LARP4B: variants seen among roughly 807,000 people sequenced by gnomAD.
LARP4B encodes the protein La ribonucleoprotein 4B.
LARP4B carries 12 observed loss-of-function variants against 89.8 expected under a neutral mutation model. The observed-to-expected ratio is 0.13, with a 90% CI of 0.09 to 0.22. LARP4B has a LOEUF of 0.22. Among genes scored for constraint, LARP4B ranks in the 10% least tolerant of loss-of-function variants. The probability of loss-of-function intolerance (pLI) is 1.00; values close to 1 mark genes in which losing one functional copy is unlikely to be tolerated. For missense variants in LARP4B, 757 were observed against 947.7 expected (o/e 0.80, Z 2.64); for synonymous variants, 367 against 363.3 (o/e 1.01, Z -0.12).
chr10:847,542 G>T (rs1162937678), intron 5 of LARP4B, among the ~76,000 whole-genome samples: 1 of 150,080 alleles, frequency 6.7e-6, no homozygotes, highest in African/African-American at 2.5e-5. Flanking sequence ...TTTTTGAGAC[G>T]GAGCCTTGCT....
rs144565605 is a variant in LARP4B at position 813,136 on chromosome 10, T to A, written c.2007A>T (p.Gln669His). The change falls in exon 18 of 18, where the codon CAA (glutamine) becomes CAT (histidine). Residue 669 changes from glutamine to histidine, a missense_variant. Coordinates refer to ENST00000316157, the MANE Select transcript of LARP4B (RefSeq NM_015155.3). Reference protein sequence around the residue: ...KEPPSSPLQPQKEQKPNTVGC... With the variant: ...KEPPSSPLQPHKEQKPNTVGC... Reference sequence around the variant, plus strand: ...CAACAGTGTTTGGCTTTTGTTCTTTTTGGGGTTGCAATGGGGAAGAAGGAG... The same window carrying A: ...CAACAGTGTTTGGCTTTTGTTCTTTATGGGGTTGCAATGGGGAAGAAGGAG... 1 of 1,614,030 alleles carries A rather than the reference T, an allele frequency of 6.2e-7. No homozygotes were observed. The highest frequency in any genetic ancestry group is 1.3e-5 in the African/African-American group (1 of 74,930).
chr10:915,749 C>G (rs981566932), intron 1 of LARP4B, among the ~76,000 whole-genome samples: 2 of 148,468 alleles, frequency 1.3e-5, no homozygotes, highest in African/African-American at 5.0e-5. Flanking sequence ...AGGAGAATGG[C>G]GTGAACCCAG....
upstream of LARP4B, among the ~76,000 whole-genome samples, chr10:936,584 G>A (rs533320917): frequency 2.6e-5 from 4 of 152,230 alleles, no homozygotes; most frequent in South Asian, 4.1e-4. Context: ...TTAGCTGGGC[G>A]TGGTGGCGGT....
intron 3 of LARP4B, among the ~76,000 whole-genome samples, chr10:874,485 CGTT>C (rs1313707240): frequency 1.3e-5 from 2 of 152,322 alleles, no homozygotes; most frequent in Admixed American, 1.3e-4. Flanking sequence ...GAAAAACAGG[CGTT>C]GTCCACAACT....
chr10:916,374 A>G (rs1269664243), intron 1 of LARP4B, among the ~76,000 whole-genome samples: 1 of 152,182 alleles, frequency 6.6e-6, no homozygotes, highest in Non-Finnish European at 1.5e-5. Flanking sequence ...CTTCAAGGGA[A>G]TTCATGGAAA....
chr10:823,358 T>C (rs1047023450), intron 13 of LARP4B, among the ~76,000 whole-genome samples: 34 of 152,274 alleles, frequency 2.2e-4, no homozygotes, highest in African/African-American at 7.9e-4. Flanking sequence ...AAGATCTGCA[T>C]CTGTCAGGCA....
chr10:948,106 T>C, the LARP4B span, among the ~76,000 whole-genome samples: 1 of 151,778 alleles, frequency 6.6e-6, no homozygotes, highest in African/African-American at 2.4e-5. Flanking sequence ...ACCACCGAGA[T>C]TCCTGCGCTG....
At chr10:919,792 G>A (rs1183494172) in intron 1 of LARP4B, among the ~76,000 whole-genome samples, 1 of 152,178 alleles carries the variant, frequency 6.6e-6, no homozygotes, top group East Asian at 1.9e-4. Flanking sequence ...ACGTTAAAAT[G>A]AACAACTCTC....
At chr10:829,274 A>T in intron 11 of LARP4B, 111 bp downstream of exon 11, 2 of 868,110 alleles carry the variant, frequency 2.3e-6, no homozygotes, top group Non-Finnish European at 1.7e-6. Context: ...GGTCTGTTTT[A>T]GTATGTCAGA....
intron 2 of LARP4B, 37 bp downstream of exon 2, chr10:885,604 C>G (rs1353383570): frequency 6.6e-7 from 1 of 1,515,242 alleles, no homozygotes; most frequent in South Asian, 1.2e-5. Context: ...TCAAAAAAAG[C>G]AATGGACTCC....
intron 8 of LARP4B, among the ~76,000 whole-genome samples, chr10:833,949 C>T (rs572848216): frequency 8.1e-5 from 12 of 148,930 alleles, no homozygotes; most frequent in Admixed American, 2.7e-4. Flanking sequence ...GACCCAATTA[C>T]ACACTGCTCA....
the LARP4B span, among the ~76,000 whole-genome samples, chr10:978,690 TTTATTAA>T: frequency 6.6e-6 from 1 of 152,208 alleles, no homozygotes; most frequent in Non-Finnish European, 1.5e-5. Context: ...ATTTATAGGC[TTTATTAA>T]TTATGTGTTA....
At chr10:911,169 G>A (rs1002666821) in intron 1 of LARP4B, among the ~76,000 whole-genome samples, 13 of 152,272 alleles carry the variant, frequency 8.5e-5, no homozygotes, top group Middle Eastern at 3.4e-3. Flanking sequence ...TCCTTTAAGT[G>A]TCTAAAATAA....
At chr10:949,819 T>G in the LARP4B span, among the ~76,000 whole-genome samples, 2 of 152,190 alleles carry the variant, frequency 1.3e-5, no homozygotes, top group African/African-American at 4.8e-5. Context: ...TTTTTTTTTC[T>G]TTTTTTGACA....
At chr10:963,579 A>C in the LARP4B span, among the ~76,000 whole-genome samples, 1 of 152,222 alleles carries the variant, frequency 6.6e-6, no homozygotes, top group Middle Eastern at 3.2e-3. Flanking sequence ...TATGGTCCCC[A>C]TCTTCCAGGA....
chr10:884,611 C>G, intron 2 of LARP4B, 105 bp from the exon 3 acceptor site: 1 of 684,072 alleles, frequency 1.5e-6, no homozygotes, highest in African/African-American at 1.8e-5. Flanking sequence ...AAGAAATGCA[C>G]ATTTCACATG....
chr10:850,020 C>T (rs915304573), intron 5 of LARP4B, among the ~76,000 whole-genome samples: 8 of 152,098 alleles, frequency 5.3e-5, no homozygotes, highest in South Asian at 4.1e-4. Flanking sequence ...AGAAAAAGGA[C>T]GTTAGGTTAC....
At chr10:930,471 G>A (rs1204904458) in intron 1 of LARP4B, among the ~76,000 whole-genome samples, 1 of 152,218 alleles carries the variant, frequency 6.6e-6, no homozygotes, top group Non-Finnish European at 1.5e-5. Context: ...GTTTTCTACA[G>A]CTAGGTTTCT....
chr10:849,628 G>T (rs988201863), intron 5 of LARP4B, among the ~76,000 whole-genome samples: 3 of 152,202 alleles, frequency 2.0e-5, no homozygotes, highest in African/African-American at 7.2e-5. Flanking sequence ...TGGGCTGTAC[G>T]CAGCGACTTC....
Sources: allele counts gnomAD v4.1 joint callset (sites outside exome capture counted in the v4.1 genomes callset), GRCh38; gene constraint gnomAD v4.1.1; transcripts MANE v1.5; gene names NCBI Gene and HGNC (gene_info 2026-07-23, HGNC 2026-07-21).